PTPRM: variants seen among roughly 807,000 people sequenced by gnomAD.
The protein encoded by PTPRM is protein tyrosine phosphatase receptor type M.
A neutral mutation model predicts 186.7 loss-of-function variants in PTPRM; 47 were observed. The observed-to-expected ratio is 0.25, with a 90% CI of 0.20 to 0.32. The LOEUF is 0.32. Among genes scored for constraint, PTPRM ranks in the 10% least tolerant of loss-of-function variants. The probability of loss-of-function intolerance (pLI) is 1.00; values close to 1 mark genes in which losing one functional copy is unlikely to be tolerated. For synonymous variants in PTPRM, 668 were observed against 674.9 expected, an observed-to-expected ratio of 0.99 and a Z score of 0.16; for missense variants, 1,494 against 1,865.0, an observed-to-expected ratio of 0.80 and a Z score of 3.66.
chr18:7,966,330 T>C (rs1490120960), intron 7 of PTPRM, among the ~76,000 whole-genome samples: 1 of 152,226 alleles, frequency 6.6e-6, no homozygotes, highest in East Asian at 1.9e-4. Context: ...ATATAAGTAA[T>C]GTAACTATTC....
chr18:8,068,935 T>G (rs551204134), intron 7 of PTPRM, among the ~76,000 whole-genome samples: 1 of 151,680 alleles, frequency 6.6e-6, no homozygotes, highest in Non-Finnish European at 1.5e-5. Flanking sequence ...CTGTCTCGAC[T>G]AGAAATACAC....
intron 1 of PTPRM, among the ~76,000 whole-genome samples, chr18:7,766,781 G>A (rs575388255): frequency 1.3e-5 from 2 of 152,308 alleles, no homozygotes; most frequent in East Asian, 3.9e-4. Flanking sequence ...TACAGAAAAC[G>A]TAGTTAAAGC....
At chr18:8,057,235 A>T (rs1349008692) in intron 7 of PTPRM, among the ~76,000 whole-genome samples, 1 of 151,850 alleles carries the variant, frequency 6.6e-6, no homozygotes, top group African/African-American at 2.4e-5. Context: ...ATAAAAAGTG[A>T]TCTGAAACAA....
chr18:7,954,912 A>C (rs2053213580), intron 6 of PTPRM, among the ~76,000 whole-genome samples: 1 of 152,198 alleles, frequency 6.6e-6, no homozygotes, highest in Non-Finnish European at 1.5e-5. Flanking sequence ...GAATAAGCTT[A>C]TGTGTTTAAA....
At chr18:7,846,276 A>G (rs2046590691) in intron 2 of PTPRM, among the ~76,000 whole-genome samples, 1 of 152,200 alleles carries the variant, frequency 6.6e-6, no homozygotes, top group African/African-American at 2.4e-5. Context: ...TAGATCCCCC[A>G]TTACATACAG....
intron 3 of PTPRM, among the ~76,000 whole-genome samples, chr18:7,897,483 C>T (rs531688259): frequency 6.6e-6 from 1 of 152,240 alleles, no homozygotes; most frequent in East Asian, 1.9e-4. Flanking sequence ...CCGCAATACT[C>T]TGCATTTTGT....
At chr18:8,217,285 C>T (rs1025581621) in intron 14 of PTPRM, among the ~76,000 whole-genome samples, 6 of 152,044 alleles carry the variant, frequency 3.9e-5, no homozygotes, top group Admixed American at 1.3e-4. Context: ...GCGCATAAGT[C>T]GGCAAGTCAG....
At chr18:7,841,594 C>G (rs1013497182) in intron 2 of PTPRM, among the ~76,000 whole-genome samples, 1 of 152,068 alleles carries the variant, frequency 6.6e-6, no homozygotes, top group Non-Finnish European at 1.5e-5. Flanking sequence ...ACGCCTGGCC[C>G]AAATCATTTC....
chr18:8,212,770 C>T (rs1189762602), intron 14 of PTPRM, among the ~76,000 whole-genome samples: 2 of 152,168 alleles, frequency 1.3e-5, no homozygotes, highest in African/African-American at 2.4e-5. Context: ...CTGACCTCTG[C>T]GCTCTAGCCT....
intron 5 of PTPRM, among the ~76,000 whole-genome samples, chr18:7,936,189 G>C (rs1213065965): frequency 3.9e-5 from 6 of 152,154 alleles, no homozygotes. Context: ...CACAGCTGCG[G>C]CTGCCCAGCC....
intron 1 of PTPRM, among the ~76,000 whole-genome samples, chr18:7,609,765 A>G (rs2037627388): frequency 6.6e-6 from 1 of 152,140 alleles, no homozygotes; most frequent in African/African-American, 2.4e-5. Context: ...AGGGATGACC[A>G]TTAGCCTTGA....
At chr18:7,744,535 T>C (rs1233529844) in intron 1 of PTPRM, among the ~76,000 whole-genome samples, 3 of 152,188 alleles carry the variant, frequency 2.0e-5, no homozygotes, top group African/African-American at 7.2e-5. Flanking sequence ...ATCTATATGA[T>C]TGGCTTATTA....
At chr18:8,273,977 A>G (rs2094803820) in intron 19 of PTPRM, among the ~76,000 whole-genome samples, 1 of 152,140 alleles carries the variant, frequency 6.6e-6, no homozygotes, top group Admixed American at 6.6e-5. Flanking sequence ...CTCCTCTGCA[A>G]TGGGGAGGCA....
At chr18:7,725,101 A>T (rs7238364) in intron 1 of PTPRM, among the ~76,000 whole-genome samples, 4,044 of 152,296 alleles carry the variant, frequency 0.027, 173 homozygotes, top group African/African-American at 0.092. Flanking sequence ...TATTCACCAC[A>T]TCTAAATGAT....
intron 11 of PTPRM, among the ~76,000 whole-genome samples, chr18:8,107,352 C>T (rs1398964935): frequency 6.6e-6 from 1 of 152,170 alleles, no homozygotes; most frequent in African/African-American, 2.4e-5. Flanking sequence ...GCCTAATGTT[C>T]TAGTTGTTCT....
chr18:7,808,318 G>C (rs1226533403), intron 2 of PTPRM, among the ~76,000 whole-genome samples: 3 of 152,168 alleles, frequency 2.0e-5, no homozygotes, highest in East Asian at 3.9e-4. Flanking sequence ...GAAGCAGGGT[G>C]GGGGTGCTGG....
At chr18:7,799,166 C>T (rs1156701943) in intron 2 of PTPRM, among the ~76,000 whole-genome samples, 1 of 152,132 alleles carries the variant, frequency 6.6e-6, no homozygotes, top group African/African-American at 2.4e-5. Context: ...GATTTTGTGT[C>T]TGGTGAAGGC....
intron 1 of PTPRM, among the ~76,000 whole-genome samples, chr18:7,667,094 G>A (rs1325441892): frequency 3.3e-5 from 5 of 152,208 alleles, no homozygotes; most frequent in Non-Finnish European, 7.3e-5. Flanking sequence ...ACAGTTTCAG[G>A]TGTTAGGATT....
chr18:7,620,054 G>A (rs1017298632), intron 1 of PTPRM, among the ~76,000 whole-genome samples: 3 of 152,156 alleles, frequency 2.0e-5, no homozygotes, highest in Non-Finnish European at 2.9e-5. Flanking sequence ...AGCCTGCCCC[G>A]ATGCATACAA....
Sources: gnomAD v4.1 joint callset for allele counts (sites outside exome capture counted in the v4.1 genomes callset) on GRCh38, gnomAD v4.1.1 for gene constraint, MANE v1.5 for transcripts, NCBI Gene and HGNC (gene_info 2026-07-23, HGNC 2026-07-21) for gene names.